TENT4B: variants seen among roughly 807,000 people sequenced by gnomAD.
The protein encoded by TENT4B is terminal nucleotidyltransferase 4B, also known as PAP associated domain containing 5.
Under a neutral mutation model 75.0 loss-of-function variants are expected in TENT4B, and 10 were observed. The observed-to-expected ratio is 0.13, with a 90% CI of 0.08 to 0.23. TENT4B has a LOEUF of 0.23. Ranked by LOEUF, TENT4B falls within the 10% of genes least tolerant of loss-of-function variation. The pLI is 1.00. For missense variants in TENT4B, 579 were observed against 893.8 expected (o/e 0.65, Z 4.49); for synonymous variants, 350 against 357.7 (o/e 0.98, Z 0.24).
chr16:50,171,487 T>C (rs927456749), intron 1 of TENT4B, among the ~76,000 whole-genome samples: 1 of 152,096 alleles, frequency 6.6e-6, no homozygotes, highest in Non-Finnish European at 1.5e-5. Context: ...GGATCACAGA[T>C]GAGGGGGCTA....
At chr16:50,190,441 A>G (rs541030699) in intron 1 of TENT4B, among the ~76,000 whole-genome samples, 8 of 152,142 alleles carry the variant, frequency 5.3e-5, no homozygotes, top group Admixed American at 6.5e-5. Flanking sequence ...CCCCAGATGG[A>G]TACTCTGTAC....
Position 50,235,124 on chromosome 16 carries a change from A to G in TENT4B, c.*5796A>G, listed in dbSNP as rs2032408630. The G allele has an allele frequency of 1.3e-6, 1 of 767,128 alleles. No homozygotes were observed. The highest frequency in any genetic ancestry group is 5.9e-5 in the South Asian group (1 of 17,004). The allele number at this position is 767,128 out of a possible 1,614,324, so 47.5% of individuals were successfully genotyped here. A position where few individuals can be genotyped will look rare whatever the true frequency, so the allele number is the denominator to read the frequency against. ...CACTGGGCAACCAGTGATGAAAACT[A>G]TGAATGAATTGCACACCTGGAAGAT... is the stretch of plus-strand genomic sequence containing the variant. On this transcript the variant is annotated 3_prime_UTR_variant, in exon 12 of 12. Transcript: ENST00000561678.
chr16:50,198,116 A>G (rs1384439190), intron 1 of TENT4B, among the ~76,000 whole-genome samples: 1 of 85,984 alleles, frequency 1.2e-5, no homozygotes, highest in African/African-American at 4.1e-5. Context: ...CAGAAAATAT[A>G]ATTAAAAAAA....
intron 1 of TENT4B, among the ~76,000 whole-genome samples, chr16:50,181,242 GTT>G (rs2038409360): frequency 6.6e-6 from 1 of 152,034 alleles, no homozygotes; most frequent in African/African-American, 2.4e-5. Flanking sequence ...AAGGAGGTGT[GTT>G]TGTGGATTTA....
rs199810448 is a variant in TENT4B at position 50,223,556 on chromosome 16, CAATAGA to C, written c.1381+172_1381+177del. Among the ~76,000 whole-genome samples, 3 of 152,096 alleles carry C rather than the reference CAATAGA, an allele frequency of 2.0e-5. No individual in the cohort carries two copies. The East Asian group carries it at 5.8e-4, about 29-fold the overall frequency. ...ACATACTAAAATAAACAGACACAGA[CAATAGA>C]AAAACACCTTGGAGACTTCCAGATA... On this transcript the variant is annotated intron_variant, in intron 7 of 11. Coordinates refer to ENST00000561678, the MANE Select transcript of TENT4B (RefSeq NM_001365324.3).
intron 1 of TENT4B, among the ~76,000 whole-genome samples, chr16:50,206,819 C>T (rs1470986203): frequency 1.3e-5 from 2 of 152,066 alleles, no homozygotes; most frequent in Non-Finnish European, 2.9e-5. Context: ...TCTTGAACCT[C>T]CCACCCCATG....
chr16:50,154,110 C>T lies in TENT4B; in HGVS notation c.489C>T (p.Arg163=). The change falls in exon 1 of 12, where the codon CGC becomes CGT. Residue 163 remains arginine (R), a synonymous_variant. Coordinates refer to ENST00000561678, the MANE Select transcript of TENT4B (RefSeq NM_001365324.3). ...SASGSSNKRK[R]DNKASTYGLN... The stretch of plus-strand genomic sequence containing the variant: ...CGGGCAGCAGCAACAAGAGGAAGCG[C>T]GACAACAAGGCCAGCACGTATGGAC... 6.5e-7 allele frequency: 1 copy of T among 1,529,170 alleles called. No homozygotes were observed. The highest frequency in any genetic ancestry group is 2.0e-5 in the Admixed American group (1 of 50,010). The allele number at this position is 1,529,170 out of a possible 1,614,324, so 94.7% of individuals were successfully genotyped here.
chr16:50,169,393 T>G (rs1377754063), intron 1 of TENT4B, among the ~76,000 whole-genome samples: 2 of 133,288 alleles, frequency 1.5e-5, no homozygotes, highest in East Asian at 2.0e-4. Context: ...GTGGGTTTTT[T>G]TTTTTTTTTT....
Position 50,153,676 on chromosome 16 carries a change from C to G in TENT4B, c.55C>G (p.Leu19Val). The G allele has an allele frequency of 9.8e-7, 1 of 1,019,362 alleles. No homozygotes were observed. Among genetic ancestry groups the G allele is most frequent in the Non-Finnish European group, 1.2e-6 (1 of 852,944 alleles). The allele number at this position is 1,019,362 out of a possible 1,614,324, so 63.1% of individuals were successfully genotyped here. The change falls in exon 1 of 12, where the codon CTG becomes GTG. Residue 19 changes from leucine to valine, a missense_variant. By Grantham distance (32) the Leu-to-Val change is conservative. This residue lies in a region of TENT4B where 253 missense variants were observed against 270.1 expected (regional missense o/e 0.94). Transcript: ENST00000561678. ...QPEQLGPSNS[L>V]WMQIWETTQG... Reference sequence around the variant, plus strand: ...AGAGCAGCTCGGACCGTCCAACAGTCTGTGGATGCAGATCTGGGAGACGAC... The same window carrying G: ...AGAGCAGCTCGGACCGTCCAACAGTGTGTGGATGCAGATCTGGGAGACGAC...
At chr16:50,208,477 GAACCTTAC>G (rs2031104806) in intron 1 of TENT4B, among the ~76,000 whole-genome samples, 1 of 152,174 alleles carries the variant, frequency 6.6e-6, no homozygotes, top group Non-Finnish European at 1.5e-5. Flanking sequence ...GTAGTAACAG[GAACCTTAC>G]TAACCTACAA....
intron 5 of TENT4B, among the ~76,000 whole-genome samples, chr16:50,220,994 T>C (rs1039112816): frequency 6.6e-6 from 1 of 151,472 alleles, no homozygotes; most frequent in Admixed American, 6.6e-5. Context: ...GAAAAAAAAA[T>C]GGAAATCACC....
In TENT4B at chr16:50,231,840, G is replaced by C. The variant is rs1465708578; in HGVS notation, c.*2512G>C. 2 of 984,548 alleles carry C rather than the reference G, an allele frequency of 2.0e-6. No homozygotes were observed. The highest frequency in any genetic ancestry group is 1.1e-4 in the East Asian group (1 of 8,794). The allele number at this position is 984,548 out of a possible 1,614,324, so 61.0% of individuals were successfully genotyped here. ...ACTTTCAAGAACTTTTAGTTTGCCT[G>C]CTCATTTGTTTTATACATTTCATCT... On this transcript the variant is annotated 3_prime_UTR_variant, in exon 12 of 12. Transcript: ENST00000561678.
Position 50,154,069 on chromosome 16 carries a change from C to A in TENT4B, c.448C>A (p.Pro150Thr). The change falls in exon 1 of 12, where the codon CCA (proline) becomes ACA (threonine). Residue 150 changes from proline (P) to threonine (T), a missense_variant. This residue lies in a region of TENT4B where 253 missense variants were observed against 270.1 expected (regional missense o/e 0.94). Transcript: ENST00000561678. ...TTCGGCCGCCGTCCCCGCCGCCGAT[C>A]CAGCCGATTCGGCCTCGGGCAGCAG... is the stretch of plus-strand genomic sequence containing the variant. ...HPSAAVPAAD[P>T]ADSASGSSNK... 1 of 1,532,208 alleles carries A rather than the reference C, an allele frequency of 6.5e-7. No homozygotes were observed. The highest frequency in any genetic ancestry group is 8.7e-7 in the Non-Finnish European group (1 of 1,145,318). The allele number at this position is 1,532,208 out of a possible 1,614,324, so 94.9% of individuals were successfully genotyped here. A position where few individuals can be genotyped will look rare whatever the true frequency, so the allele number is the denominator to read the frequency against.
Position 50,233,868 on chromosome 16 carries a change from T to C in TENT4B, c.*4540T>C. ...TAGCTCCTGGATTTACTGAGAGATA[T>C]TTTAGCTATGTCAATAAGAACAGCT... On this transcript the variant is annotated 3_prime_UTR_variant, in exon 12 of 12. Coordinates refer to ENST00000561678, the MANE Select transcript of TENT4B (RefSeq NM_001365324.3). 2.0e-6 allele frequency: 2 copies of C among 985,476 alleles called. No homozygotes were observed. The highest frequency in any genetic ancestry group is 2.4e-6 in the Non-Finnish European group (2 of 829,936). The allele number at this position is 985,476 out of a possible 1,614,324, so 61.0% of individuals were successfully genotyped here.
At chr16:50,215,961 GGC>G in intron 3 of TENT4B, 112 bp from the exon 4 acceptor site, 3 of 1,281,542 alleles carry the variant, frequency 2.3e-6, no homozygotes, top group South Asian at 2.8e-5. Context: ...AGTCTTCGTT[GGC>G]CAGGGTGGGA....
In TENT4B at chr16:50,154,029, C is replaced by T; in HGVS notation, c.408C>T (p.Ser136=). The T allele has an allele frequency of 2.0e-6, 3 of 1,533,462 alleles. No homozygotes were observed. The highest frequency in any genetic ancestry group is 2.6e-6 in the Non-Finnish European group (3 of 1,145,860). The allele number at this position is 1,533,462 out of a possible 1,614,324, so 95.0% of individuals were successfully genotyped here. Reference sequence around the variant, plus strand: ...CGGCGTCCTCGCCTCCCTCGGCGTCCTCGTCCCCGCACCCTTCGGCCGCCG... The same window carrying T: ...CGGCGTCCTCGCCTCCCTCGGCGTCTTCGTCCCCGCACCCTTCGGCCGCCG... The part of the protein sequence containing the change: ...GSSASSPPSA[S]SSPHPSAAVP... The change falls in exon 1 of 12, where the codon TCC becomes TCT. Residue 136 remains serine, a synonymous_variant. Coordinates refer to ENST00000561678, the MANE Select transcript of TENT4B (RefSeq NM_001365324.3).
rs559760908 is a variant in TENT4B at position 50,198,648 on chromosome 16, G to A, written c.639-12675G>A. Among the ~76,000 whole-genome samples the A allele has an allele frequency of 1.0e-3, 152 of 152,030 alleles. No homozygotes were observed. In the Middle Eastern group the frequency reaches 0.014, roughly 14 times the overall value. ...AAAATCCCACTGATTTTTTTGTGGGGAGGGTGGGAGAGTCATTTGTTAAAA... is the reference window on the plus strand; with the variant it reads ...AAAATCCCACTGATTTTTTTGTGGGAAGGGTGGGAGAGTCATTTGTTAAAA... On this transcript the variant is annotated intron_variant, in intron 1 of 11. Coordinates refer to ENST00000561678, the MANE Select transcript of TENT4B (RefSeq NM_001365324.3).
Position 50,224,619 on chromosome 16 carries a change from C to T in TENT4B, c.1382-38C>T, listed in dbSNP as rs373194466. 1.7e-5 allele frequency: 28 copies of T among 1,611,094 alleles called. No individual in the cohort carries two copies. The African/African-American group carries it at 3.3e-4, about 19-fold the overall frequency. On this transcript the variant is annotated intron_variant, in intron 7 of 11. Coordinates refer to ENST00000561678, the MANE Select transcript of TENT4B (RefSeq NM_001365324.3). Reference sequence around the variant, plus strand: ...ATCAACATTTAGTGCATATTAAGCACAGTCAGGCTTACTATGTTACGTATA... The same window carrying T: ...ATCAACATTTAGTGCATATTAAGCATAGTCAGGCTTACTATGTTACGTATA...
chr16:50,213,238 T>C (rs1390709498), intron 2 of TENT4B, among the ~76,000 whole-genome samples: 2 of 152,164 alleles, frequency 1.3e-5, no homozygotes, highest in African/African-American at 4.8e-5. Flanking sequence ...TTTGTAATTT[T>C]AGTAGAGGTG....
Sources: allele counts gnomAD v4.1 joint callset (sites outside exome capture counted in the v4.1 genomes callset), GRCh38; gene constraint gnomAD v4.1.1; regional missense constraint gnomAD v4.1.1; transcripts MANE v1.5; gene names NCBI Gene and HGNC (gene_info 2026-07-23, HGNC 2026-07-21).